The following CCT4 variants were observed in gnomAD, a reference collection of about 807,000 sequenced individuals.
CCT4 encodes the protein T-complex protein 1 subunit delta.
In CCT4, 17 loss-of-function variants were observed where a neutral mutation model predicts 62.5. That is an observed-to-expected ratio of 0.27 (90% CI 0.19 to 0.41). CCT4 has a LOEUF of 0.41. CCT4 is among the 10% of genes least tolerant of loss of function. The pLI, the probability that CCT4 is intolerant of heterozygous loss-of-function variation, is 1.00. For synonymous variants in CCT4, 250 were observed against 229.9 expected, an observed-to-expected ratio of 1.09 and a Z score of -0.79; for missense variants, 592 against 659.2, an observed-to-expected ratio of 0.90 and a Z score of 1.12.
Position 61,868,489 on chromosome 2 carries a change from G to T in CCT4, c.*203C>A. On this transcript the variant is annotated 3_prime_UTR_variant, in exon 14 of 14. Coordinates refer to ENST00000394440, the MANE Select transcript of CCT4 (RefSeq NM_006430.4). Reference sequence around the variant, plus strand: ...AAGTATCAGAAATAACAGAATGTTGGGAGAAGATAAATCTGCCTTTTGAAA... The same window carrying T: ...AAGTATCAGAAATAACAGAATGTTGTGAGAAGATAAATCTGCCTTTTGAAA... The T allele has an allele frequency of 2.0e-6, 1 of 497,440 alleles. No individual in the cohort carries two copies. 30.8% of individuals were successfully genotyped at this position (497,440 alleles called of 1,614,324 possible).
chr2:61,873,312 G>C lies in CCT4; in HGVS notation c.918-19C>G. On this transcript the variant is annotated intron_variant, in intron 8 of 13. Coordinates refer to ENST00000394440, the MANE Select transcript of CCT4 (RefSeq NM_006430.4). ...AGCATCTCTAAAATACAAAATCAGT[G>C]ATTATGTCAATGCTAGATTAAAAAA... The C allele has an allele frequency of 7.3e-7, 1 of 1,372,582 alleles. No individual in the cohort carries two copies. Among genetic ancestry groups the C allele is most frequent in the Non-Finnish European group, 1.0e-6 (1 of 969,280 alleles). 85.0% of individuals were successfully genotyped at this position (1,372,582 alleles called of 1,614,324 possible).
In CCT4 at chr2:61,878,928, C is replaced by T. The variant is rs1466889991; in HGVS notation, c.463G>A (p.Val155Met). Residue 155 changes from valine to methionine, a missense_variant, in exon 5 of 14, where the codon GTG becomes ATG. Val to Met is a conservative substitution (Grantham distance 21). Coordinates refer to ENST00000394440, the MANE Select transcript of CCT4 (RefSeq NM_006430.4). ...AAAGTTTCTCTGTCACTCAGTTCCA[C>T]AGGTCGAGACATGTCAGTCAAGATT... ...IEILTDMSRPVELSDRETLLN... is the reference protein window; with the variant it reads ...IEILTDMSRPMELSDRETLLN... 18 of 1,611,146 alleles carry T rather than the reference C, an allele frequency of 1.1e-5. No homozygotes were observed. The highest frequency in any genetic ancestry group is 3.4e-5 in the Admixed American group (2 of 59,676).
At chr2:61,872,387 T>G in intron 11 of CCT4, 71 bp from the exon 12 acceptor site, 1 of 1,434,416 alleles carries the variant, frequency 7.0e-7, no homozygotes, top group Non-Finnish European at 9.4e-7. Flanking sequence ...TTGCTATTTA[T>G]ATCTTTAAAA....
At chr2:61,874,671 A>G (rs543646558) in intron 8 of CCT4, among the ~76,000 whole-genome samples, 10 of 152,270 alleles carry the variant, frequency 6.6e-5, no homozygotes, top group African/African-American at 2.4e-4. Flanking sequence ...CTTTTCATCT[A>G]TGGACTATGC....
Position 61,872,126 on chromosome 2 carries a change from G to C in CCT4, c.1447C>G (p.Arg483Gly), listed in dbSNP as rs760975214. Residue 483 changes from arginine (R) to glycine (G), a missense_variant, in exon 12 of 14, where the codon CGG (arginine) becomes GGG (glycine). Around this residue, in one of 3 missense-constraint regions of CCT4, gnomAD observed 522 missense variants for 571.2 expected, o/e 0.91. Transcript: ENST00000394440. The part of the protein sequence containing the change: ...PISTVTELRN[R>G]HAQGEKTAGI... ...GCAGTTTTTTCTCCCTGGGCATGCC[G>C]GTTTCTTAGTTCTGTTACTGTAGAA... 7.4e-6 allele frequency: 12 copies of C among 1,613,650 alleles called. No homozygotes were observed. In the Admixed American group the frequency reaches 8.3e-5, roughly 11 times the overall value.
At chr2:61,885,585 G>C (rs1259709120) in intron 1 of CCT4, 1 of 151,970 alleles carries the variant, frequency 6.6e-6, no homozygotes, top group African/African-American at 2.4e-5. Context: ...TAATTTTTTT[G>C]TATTTTTTAG....
At chr2:61,880,519 C>T in intron 3 of CCT4, 125 bp from the exon 4 acceptor site, 2 of 652,860 alleles carry the variant, frequency 3.1e-6, no homozygotes, top group Non-Finnish European at 5.4e-6. Flanking sequence ...CTGATTTCTT[C>T]TGATTTGTTG....
chr2:61,872,348 T>A, intron 11 of CCT4, 32 bp from the exon 12 acceptor site: 1 of 1,497,598 alleles, frequency 6.7e-7, no homozygotes, highest in South Asian at 1.3e-5. Flanking sequence ...TTAGCTTATT[T>A]TATCCAAAAG....
intron 3 of CCT4, 91 bp from the exon 4 acceptor site, chr2:61,880,485 G>T (rs1669089116): frequency 1.4e-6 from 1 of 727,754 alleles, no homozygotes; most frequent in Non-Finnish European, 2.4e-6. Flanking sequence ...GTCACAAACA[G>T]AATTTGAAGA....
chr2:61,877,435 G>C lies in CCT4; in HGVS notation c.602C>G (p.Thr201Ser), dbSNP rs766260431. 3.7e-6 allele frequency: 6 copies of C among 1,611,428 alleles called. No homozygotes were observed. The South Asian group carries it at 5.5e-5, about 15-fold the overall frequency. Residue 201 changes from threonine (T) to serine (S), a missense_variant, in exon 6 of 14, where the codon ACC becomes AGC. Thr to Ser is a moderately conservative substitution (Grantham distance 58, BLOSUM62 1). This residue lies in a region of CCT4 where 522 missense variants were observed against 571.2 expected (regional missense o/e 0.91). Coordinates refer to ENST00000394440, the MANE Select transcript of CCT4 (RefSeq NM_006430.4). ...VMKVIDPATATSVDLRDIKIV... is the reference protein window; with the variant it reads ...VMKVIDPATASSVDLRDIKIV... ...TTTAATATCTCTAAGATCTACACTG[G>C]TGGCTGTGGCTGGGTCAATCACTTT... is the stretch of plus-strand genomic sequence containing the variant.
intron 5 of CCT4, 71 bp from the exon 6 acceptor site, chr2:61,877,585 A>G (rs1416102969): frequency 1.6e-5 from 19 of 1,192,300 alleles, no homozygotes; most frequent in Non-Finnish European, 2.2e-5. Context: ...AATGACAAAG[A>G]TACTTAAGAA....
In CCT4 at chr2:61,868,743, T is replaced by C. The variant is rs1381017704; in HGVS notation, c.1606-37A>G. On this transcript the variant is annotated intron_variant, in intron 13 of 13. Coordinates refer to ENST00000394440, the MANE Select transcript of CCT4 (RefSeq NM_006430.4). The stretch of plus-strand genomic sequence containing the variant: ...AAAACTTAGATTTCAAAACCTGTAA[T>C]GACAGAATTTTAAAGCTGGAAAATG... The C allele has an allele frequency of 4.7e-6, 7 of 1,476,662 alleles. No individual in the cohort carries two copies. In the African/African-American group the frequency reaches 8.3e-5, roughly 18 times the overall value. 91.5% of individuals were successfully genotyped at this position (1,476,662 alleles called of 1,614,324 possible).
chr2:61,873,406 G>C, intron 8 of CCT4, 113 bp from the exon 9 acceptor site: 1 of 597,350 alleles, frequency 1.7e-6, no homozygotes. Flanking sequence ...TATTTCTGAA[G>C]AAAAATGCTT....
intron 3 of CCT4, among the ~76,000 whole-genome samples, chr2:61,883,039 C>G (rs894206222): frequency 3.9e-5 from 6 of 152,118 alleles, no homozygotes; most frequent in Non-Finnish European, 8.8e-5. Flanking sequence ...TAAAAATATG[C>G]CTGTTCAGCA....
At chr2:61,879,108 A>C in intron 4 of CCT4, 97 bp from the exon 5 acceptor site, 1 of 816,354 alleles carries the variant, frequency 1.2e-6, no homozygotes, top group East Asian at 2.6e-5. Flanking sequence ...AGCAAGCACA[A>C]ATTTAACTAT....
intron 8 of CCT4, among the ~76,000 whole-genome samples, chr2:61,874,611 C>CAA (rs770666364): frequency 3.2e-5 from 4 of 123,804 alleles, no homozygotes; most frequent in Admixed American, 8.4e-5. Flanking sequence ...ACTGTGTCTC[C>CAA]AAAAAAAAAA....
Position 61,869,564 on chromosome 2 carries a change from A to G in CCT4, c.1492-11T>C. ...GTTGGAAATACCACCCTGCAAATCA[A>G]ATCAGCACAAGTTGCTTTTAGTGTC... On this transcript the variant is annotated splice_polypyrimidine_tract_variant and intron_variant, in intron 12 of 13. Coordinates refer to ENST00000394440, the MANE Select transcript of CCT4 (RefSeq NM_006430.4). 6.7e-7 allele frequency: 1 copy of G among 1,488,354 alleles called. No individual in the cohort carries two copies. Among genetic ancestry groups the G allele is most frequent in the Non-Finnish European group, 9.4e-7 (1 of 1,065,296 alleles). 92.2% of individuals were successfully genotyped at this position (1,488,354 alleles called of 1,614,324 possible).
At chr2:61,875,564 C>CA (rs758715991) in intron 8 of CCT4, among the ~76,000 whole-genome samples, 3 of 129,588 alleles carry the variant, frequency 2.3e-5, no homozygotes, top group Non-Finnish European at 4.7e-5. Flanking sequence ...GCCTGGATGA[C>CA]AGAGTGAGAC....
At chr2:61,886,905 C>T (rs1301346302) in intron 1 of CCT4, among the ~76,000 whole-genome samples, 1 of 151,984 alleles carries the variant, frequency 6.6e-6, no homozygotes, top group East Asian at 1.9e-4. Flanking sequence ...GACTACAGGC[C>T]TACGCCAACA....
Sources: allele counts gnomAD v4.1 joint callset (sites outside exome capture counted in the v4.1 genomes callset), GRCh38; gene constraint gnomAD v4.1.1; regional missense constraint gnomAD v4.1.1; transcripts MANE v1.5; gene names NCBI Gene and HGNC (gene_info 2026-07-23, HGNC 2026-07-21).